PRKN: variants seen among roughly 807,000 people sequenced by gnomAD.
PRKN encodes the protein parkin RBR E3 ubiquitin protein ligase, also known as E3 ubiquitin-protein ligase parkin.
PRKN carries 56 observed loss-of-function variants against 59.5 expected under a neutral mutation model. The observed-to-expected ratio is 0.94, with a 90% CI of 0.76 to 1.18. The LOEUF (loss-of-function observed/expected upper bound fraction) is 1.18. PRKN is among the 50% of genes most tolerant of loss of function. The pLI is 0.00. For synonymous variants in PRKN, 250 were observed against 222.1 expected (o/e 1.13, Z -1.12); for missense variants, 657 against 596.4 (o/e 1.10, Z -1.06).
intron 3 of PRKN, among the ~76,000 whole-genome samples, chr6:162,254,536 T>C (rs533049628): frequency 7.9e-5 from 12 of 152,210 alleles, no homozygotes; most frequent in African/African-American, 2.6e-4. Context: ...GCACTGACCC[T>C]GATCTGAAAA....
chr6:162,609,337 T>C (rs182461169), intron 1 of PRKN, among the ~76,000 whole-genome samples: 1 of 152,312 alleles, frequency 6.6e-6, no homozygotes, highest in Non-Finnish European at 1.5e-5. Context: ...CCCACGAAAG[T>C]GGGAATTAAA....
chr6:161,968,951 TTC>T (rs1486971565), intron 6 of PRKN, among the ~76,000 whole-genome samples: 2 of 152,240 alleles, frequency 1.3e-5, no homozygotes, highest in Non-Finnish European at 2.9e-5. Flanking sequence ...TTTCACATTG[TTC>T]TCTCACAATA....
chr6:161,570,711 G>A lies in PRKN; in HGVS notation c.872-1295C>T, dbSNP rs148125904. On this transcript the variant is annotated intron_variant, in intron 7 of 11. Transcript: ENST00000366898. ...TGTTCATAGACTATTGATGTTATAG[G>A]AAGGGCCTCTAGTCAACAGTAGGTT... 2.7e-3 allele frequency among the ~76,000 whole-genome samples: 405 copies of A among 152,178 alleles called. 1 individual carries two copies. The highest frequency in any genetic ancestry group is 3.9e-3 in the Non-Finnish European group (264 of 68,014).
At chr6:161,802,344 G>C (rs1399242863) in intron 6 of PRKN, among the ~76,000 whole-genome samples, 1 of 151,820 alleles carries the variant, frequency 6.6e-6, no homozygotes, top group Non-Finnish European at 1.5e-5. Flanking sequence ...CCCACTCGCT[G>C]TGATCCAGGC....
At chr6:161,568,394 C>A (rs1780733100) in intron 8 of PRKN, among the ~76,000 whole-genome samples, 1 of 152,176 alleles carries the variant, frequency 6.6e-6, no homozygotes, top group African/African-American at 2.4e-5. Flanking sequence ...GAAATCGAAA[C>A]CATCCTGGCT....
chr6:161,614,666 T>C (rs552491600), intron 7 of PRKN, among the ~76,000 whole-genome samples: 2 of 152,388 alleles, frequency 1.3e-5, no homozygotes, highest in South Asian at 2.1e-4. Flanking sequence ...CATATATGTA[T>C]AGACACTACA....
intron 1 of PRKN, among the ~76,000 whole-genome samples, chr6:162,634,684 C>T (rs34347104): frequency 0.087 from 13,169 of 152,184 alleles, 724 homozygotes; most frequent in Middle Eastern, 0.18. Flanking sequence ...AGTGCAGAGG[C>T]GTGATCTCAG....
At chr6:162,301,784 G>GGGA (rs1491227633) in intron 2 of PRKN, among the ~76,000 whole-genome samples, 1 of 31,154 alleles carries the variant, frequency 3.2e-5, no homozygotes, top group Admixed American at 4.1e-4. Flanking sequence ...TGGCCGGGGC[G>GGGA]GGGGGGGGGT....
At chr6:161,358,696 T>G (rs1784858921) in intron 11 of PRKN, among the ~76,000 whole-genome samples, 1 of 151,870 alleles carries the variant, frequency 6.6e-6, no homozygotes, top group Non-Finnish European at 1.5e-5. Flanking sequence ...GGAAGGGCCC[T>G]TCCGTGTTCT....
chr6:161,539,167 A>G (rs556425325), intron 9 of PRKN, among the ~76,000 whole-genome samples: 8 of 152,372 alleles, frequency 5.3e-5, no homozygotes, highest in East Asian at 1.9e-4. Flanking sequence ...ACGTTTTCCT[A>G]TAACGTAAGA....
intron 8 of PRKN, among the ~76,000 whole-genome samples, chr6:161,555,621 C>A (rs1225198414): frequency 1.3e-5 from 2 of 152,102 alleles, no homozygotes; most frequent in Admixed American, 6.6e-5. Context: ...GAGCAAATTT[C>A]TGCTCAGTGT....
At chr6:162,264,333 C>A (rs1780028469) in intron 2 of PRKN, among the ~76,000 whole-genome samples, 1 of 152,010 alleles carries the variant, frequency 6.6e-6, no homozygotes, top group Non-Finnish European at 1.5e-5. Flanking sequence ...TTTCAAATAC[C>A]TCTTGCCATT....
At chr6:162,430,467 T>G (rs1789463922) in intron 2 of PRKN, among the ~76,000 whole-genome samples, 1 of 152,140 alleles carries the variant, frequency 6.6e-6, no homozygotes, top group Non-Finnish European at 1.5e-5. Flanking sequence ...ACCTGAAAGA[T>G]TGTTGGGAGC....
At chr6:162,726,448 T>G (rs559127567) in intron 1 of PRKN, among the ~76,000 whole-genome samples, 1 of 152,106 alleles carries the variant, frequency 6.6e-6, no homozygotes, top group African/African-American at 2.4e-5. Context: ...TTTTCGTAAT[T>G]TGATTAACTT....
At chr6:162,158,124 A>C (rs910388150) in intron 4 of PRKN, among the ~76,000 whole-genome samples, 2 of 152,102 alleles carry the variant, frequency 1.3e-5, no homozygotes, top group Non-Finnish European at 2.9e-5. Context: ...TAGGAAATAT[A>C]ATACAAGGCT....
intron 7 of PRKN, among the ~76,000 whole-genome samples, chr6:161,702,648 T>C (rs563529130): frequency 1.5e-3 from 234 of 152,100 alleles, no homozygotes; most frequent in Non-Finnish European, 2.5e-3. Context: ...ACAATGTGAA[T>C]TTACTCAGTG....
At chr6:161,567,706 G>T (rs1780709245) in intron 8 of PRKN, among the ~76,000 whole-genome samples, 1 of 152,152 alleles carries the variant, frequency 6.6e-6, no homozygotes, top group South Asian at 2.1e-4. Flanking sequence ...AATGCAAAGT[G>T]ACCTGACCTT....
chr6:162,387,555 C>CACACAGAGAG (rs1212726833), intron 2 of PRKN, among the ~76,000 whole-genome samples: 5 of 95,576 alleles, frequency 5.2e-5, no homozygotes, highest in East Asian at 3.2e-4. Flanking sequence ...CACACACACA[C>CACACAGAGAG]AGAGAGAGAG....
rs60414258 is a variant in PRKN at position 161,544,505 on chromosome 6, T to TATTCATTCATTC, written c.1083+4337_1083+4348dup. On this transcript the variant is annotated intron_variant, in intron 9 of 11. Coordinates refer to ENST00000366898, the MANE Select transcript of PRKN (RefSeq NM_004562.3). The surrounding 1 kb of genome is among the most constrained non-coding windows in gnomAD (Gnocchi z 5.5). ...TTAAGATTCACTCAACCATTTATTT[T>TATTCATTCATTC]ATTCATTCATTCATTCATTCATTCA... 8.1e-6 allele frequency among the ~76,000 whole-genome samples: 1 copy of TATTCATTCATTC among 122,724 alleles called. No individual in the cohort carries two copies. The highest frequency in any genetic ancestry group is 1.9e-5 in the Non-Finnish European group (1 of 53,898). The allele number at this position is 122,724 out of a possible 152,430, so 80.5% of individuals were successfully genotyped here. A position where few individuals can be genotyped will look rare whatever the true frequency, so the allele number is the denominator to read the frequency against.
Sources: allele counts gnomAD v4.1 joint callset (sites outside exome capture counted in the v4.1 genomes callset), GRCh38; gene constraint gnomAD v4.1.1; non-coding constraint Gnocchi (gnomAD v3.1); transcripts MANE v1.5; gene names NCBI Gene and HGNC (gene_info 2026-07-23, HGNC 2026-07-21).